Variants in FGF14 observed in about 807,000 individuals in gnomAD.
FGF14 encodes the protein fibroblast growth factor 14.
In FGF14, 5 loss-of-function variants were observed where a neutral mutation model predicts 25.5. That is an observed-to-expected ratio of 0.20 (90% CI 0.10 to 0.41). The LOEUF (loss-of-function observed/expected upper bound fraction) is 0.41. Among genes scored for constraint, FGF14 ranks in the 10% least tolerant of loss-of-function variants. The probability of loss-of-function intolerance (pLI) is 1.00; values close to 1 mark genes in which losing one functional copy is unlikely to be tolerated. For synonymous variants in FGF14, 138 were observed against 118.3 expected (o/e 1.17, Z -1.08); for missense variants, 222 against 320.1 (o/e 0.69, Z 2.34).
chr13:102,154,579 T>C (rs1011811370), intron 1 of FGF14, among the ~76,000 whole-genome samples: 2 of 152,034 alleles, frequency 1.3e-5, no homozygotes, highest in African/African-American at 2.4e-5. Context: ...ATTGTAAAGA[T>C]CATCGAGGCT....
At chr13:102,049,788 C>T (rs2042142122) in intron 1 of FGF14, among the ~76,000 whole-genome samples, 1 of 152,042 alleles carries the variant, frequency 6.6e-6, no homozygotes, top group South Asian at 2.1e-4. Context: ...GTCATGTGAA[C>T]ATGAAGGAAG....
intron 1 of FGF14, among the ~76,000 whole-genome samples, chr13:102,371,269 C>T (rs2057874282): frequency 6.6e-6 from 1 of 152,160 alleles, no homozygotes; most frequent in Admixed American, 6.6e-5. Context: ...CAACTCTGTA[C>T]ATTCTACCCT....
intron 1 of FGF14, among the ~76,000 whole-genome samples, chr13:102,298,603 C>T (rs1459909576): frequency 2.6e-5 from 4 of 152,076 alleles, no homozygotes; most frequent in East Asian, 1.9e-4. Flanking sequence ...TTTTATTTTA[C>T]ACTGTTTTAT....
intron 3 of FGF14, among the ~76,000 whole-genome samples, chr13:101,850,485 TATATATATATATATATATATATATATATA>T (rs1566310959): frequency 0.53 from 3,296 of 6,184 alleles, 702 homozygotes; most frequent in Middle Eastern, 0.83. Flanking sequence ...TATATATATA[TATATATATATATATATATATATATATATA>T]GAATTATATA....
chr13:102,397,505 C>T (rs1294727869), intron 1 of FGF14, among the ~76,000 whole-genome samples: 1 of 152,156 alleles, frequency 6.6e-6, no homozygotes, highest in Non-Finnish European at 1.5e-5. Context: ...TGGGCACTGA[C>T]ATTTGTACTC....
chr13:102,178,710 A>G (rs1594295536), intron 1 of FGF14, among the ~76,000 whole-genome samples: 1 of 152,258 alleles, frequency 6.6e-6, no homozygotes, highest in East Asian at 1.9e-4. Flanking sequence ...TTGCTGCAAA[A>G]GCCATGATTT....
At chr13:102,378,595 A>ATATCTATCTATCTATC (rs4000839) in intron 1 of FGF14, among the ~76,000 whole-genome samples, 44 of 140,418 alleles carry the variant, frequency 3.1e-4, no homozygotes, top group Non-Finnish European at 5.2e-4. Flanking sequence ...ATATATATCT[A>ATATCTATCTATCTATC]TATCTATCTA....
intron 1 of FGF14, among the ~76,000 whole-genome samples, chr13:102,275,234 T>TTCTCTCTCTATCTCTCTC (rs2053456691): frequency 1.5e-5 from 1 of 67,448 alleles, no homozygotes; most frequent in Non-Finnish European, 3.0e-5. Context: ...TTAGGCAGAT[T>TTCTCTCTCTATCTCTCTC]TCTCTCTCTC....
chr13:101,993,591 G>C (rs1369022205), intron 1 of FGF14, among the ~76,000 whole-genome samples: 1 of 151,936 alleles, frequency 6.6e-6, no homozygotes, highest in Non-Finnish European at 1.5e-5. Flanking sequence ...TACTCGAAGG[G>C]GCTTGCACTA....
At chr13:102,044,356 A>G (rs1276717883) in intron 1 of FGF14, among the ~76,000 whole-genome samples, 3 of 145,140 alleles carry the variant, frequency 2.1e-5, no homozygotes, top group African/African-American at 8.1e-5. Context: ...GATGATTGCA[A>G]TGATAAAAAA....
chr13:102,199,401 GA>G (rs2049511057), intron 1 of FGF14, among the ~76,000 whole-genome samples: 1 of 152,198 alleles, frequency 6.6e-6, no homozygotes, highest in Non-Finnish European at 1.5e-5. Flanking sequence ...GTGAGTTGGT[GA>G]GTTAAAGTGG....
rs982698301 is a variant in FGF14 at position 102,092,989 on chromosome 13, G to A, written c.209-217693C>T. Among the ~76,000 whole-genome samples the A allele has an allele frequency of 3.3e-5, 5 of 152,256 alleles. No individual in the cohort carries two copies. In the South Asian group the frequency reaches 6.2e-4, roughly 19 times the overall value. On this transcript the variant is annotated intron_variant, in intron 1 of 4. Transcript: ENST00000376131. ...AAGTTAGGGGAGAAAGTACACATGC[G>A]TGGTTGATATACATGTGTATTTTTA... is the stretch of plus-strand genomic sequence containing the variant.
intron 1 of FGF14, among the ~76,000 whole-genome samples, chr13:102,119,819 C>T (rs760197989): frequency 3.9e-5 from 6 of 152,058 alleles, no homozygotes; most frequent in Non-Finnish European, 8.8e-5. Context: ...TAAATGTTTC[C>T]GTATGTTTGA....
chr13:102,197,702 C>G (rs142049051), intron 1 of FGF14, among the ~76,000 whole-genome samples: 106 of 151,674 alleles, frequency 7.0e-4, no homozygotes, highest in African/African-American at 2.4e-3. Context: ...TATATACATA[C>G]GTAGCATAAC....
intron 3 of FGF14, among the ~76,000 whole-genome samples, chr13:101,740,595 C>G (rs993930548): frequency 1.3e-5 from 2 of 152,068 alleles, no homozygotes; most frequent in Admixed American, 1.3e-4. Context: ...GCCTGTGGAA[C>G]TGGATGACAT....
chr13:102,080,519 A>T (rs1040002838), intron 1 of FGF14, among the ~76,000 whole-genome samples: 2 of 152,134 alleles, frequency 1.3e-5, no homozygotes, highest in African/African-American at 4.8e-5. Flanking sequence ...TTCTCCTTTT[A>T]AGATGAGGAT....
chr13:102,104,873 C>A (rs1360139130), intron 1 of FGF14, among the ~76,000 whole-genome samples: 1 of 152,044 alleles, frequency 6.6e-6, no homozygotes, highest in Admixed American at 6.6e-5. Flanking sequence ...TTCCTTTGCC[C>A]CTGAAATCAC....
intron 1 of FGF14, among the ~76,000 whole-genome samples, chr13:102,365,121 T>C (rs747149646): frequency 3.3e-5 from 5 of 152,192 alleles, no homozygotes; most frequent in African/African-American, 4.8e-5. Flanking sequence ...AATTTCGGCA[T>C]CCTTTTGGTC....
At chr13:102,220,321 A>G (rs755646391) in intron 1 of FGF14, among the ~76,000 whole-genome samples, 3 of 152,150 alleles carry the variant, frequency 2.0e-5, no homozygotes, top group Admixed American at 6.5e-5. Context: ...GCAATTCACT[A>G]AGAAGATAGA....
Sources: gnomAD v4.1 joint callset for allele counts (sites outside exome capture counted in the v4.1 genomes callset) on GRCh38, gnomAD v4.1.1 for gene constraint, MANE v1.5 for transcripts, NCBI Gene and HGNC (gene_info 2026-07-23, HGNC 2026-07-21) for gene names.